ARPC1A: variants seen among roughly 807,000 people sequenced by gnomAD.
ARPC1A encodes the protein actin related protein 2/3 complex subunit 1A, also known as actin-related protein 2/3 complex subunit 1A.
In ARPC1A, 8 loss-of-function variants were observed where a neutral mutation model predicts 46.9. The ratio of observed to expected loss-of-function variants is 0.17; its 90% CI spans 0.10 to 0.31. The LOEUF (loss-of-function observed/expected upper bound fraction) is 0.31, where lower values mean the gene tolerates loss of function less well. ARPC1A is among the 10% of genes least tolerant of loss of function. The probability of loss-of-function intolerance (pLI) is 1.00; values close to 1 mark genes in which losing one functional copy is unlikely to be tolerated. For missense variants in ARPC1A, 286 were observed against 483.6 expected (o/e 0.59, Z 3.83); for synonymous variants, 152 against 169.0 (o/e 0.90, Z 0.78).
chr7:99,338,378 ATTTTTT>A (rs754747240), intron 3 of ARPC1A, 93 bp downstream of exon 3: 70 of 242,998 alleles, frequency 2.9e-4, no homozygotes, highest in East Asian at 7.4e-4. Flanking sequence ...GGTGGCCATA[ATTTTTT>A]TTTTTTTTTT....
intron 4 of ARPC1A, among the ~76,000 whole-genome samples, chr7:99,345,636 C>A (rs976303771): frequency 6.6e-6 from 1 of 150,670 alleles, no homozygotes; most frequent in African/African-American, 2.4e-5. Context: ...CCAGCCTGGG[C>A]GGCAAAGTGA....
chr7:99,362,252 C>T (rs1466071457), intron 8 of ARPC1A, among the ~76,000 whole-genome samples: 2 of 151,510 alleles, frequency 1.3e-5, no homozygotes, highest in Admixed American at 1.3e-4. Flanking sequence ...CGAGATCGCA[C>T]CACTGCACTC....
At chr7:99,354,520 CAAAAAAAA>C (rs149604532) in intron 6 of ARPC1A, among the ~76,000 whole-genome samples, 1 of 55,828 alleles carries the variant, frequency 1.8e-5, no homozygotes, top group Non-Finnish European at 4.2e-5. Context: ...GACTCCGTCT[CAAAAAAAA>C]AAAAAAAAAA....
At chr7:99,349,070 T>G in intron 5 of ARPC1A, 111 bp downstream of exon 5, 2 of 1,107,854 alleles carry the variant, frequency 1.8e-6, no homozygotes, top group Non-Finnish European at 2.6e-6. Context: ...GTTGTTGTTT[T>G]GAGACAGGGT....
chr7:99,352,527 G>A (rs569859640), intron 5 of ARPC1A, among the ~76,000 whole-genome samples: 12 of 151,222 alleles, frequency 7.9e-5, no homozygotes, highest in African/African-American at 2.4e-4. Context: ...GGCATAATAC[G>A]AACTTGTAGT....
intron 6 of ARPC1A, among the ~76,000 whole-genome samples, chr7:99,355,855 G>A (rs899282266): frequency 6.6e-6 from 1 of 152,148 alleles, no homozygotes; most frequent in African/African-American, 2.4e-5. Flanking sequence ...GGAAGTCAGC[G>A]AACGATGACT....
intron 9 of ARPC1A, 48 bp from the exon 10 acceptor site, chr7:99,365,843 G>A (rs1368859413): frequency 6.5e-7 from 1 of 1,537,534 alleles, no homozygotes; most frequent in Non-Finnish European, 8.8e-7. Context: ...ACCTACCTCG[G>A]GGTAGACACT....
At chr7:99,351,518 C>T (rs1248947919) in intron 5 of ARPC1A, among the ~76,000 whole-genome samples, 4 of 152,162 alleles carry the variant, frequency 2.6e-5, no homozygotes, top group African/African-American at 9.7e-5. Flanking sequence ...TGCGCCTGGC[C>T]CAGTCCTGTG....
chr7:99,357,325 T>C (rs1793653110), intron 6 of ARPC1A, among the ~76,000 whole-genome samples: 1 of 152,118 alleles, frequency 6.6e-6, no homozygotes. Flanking sequence ...ATGCCAACTT[T>C]ATGAAGGGTG....
chr7:99,344,917 G>GTTTTTTTTTT (rs1562799264), intron 4 of ARPC1A, among the ~76,000 whole-genome samples: 7 of 29,586 alleles, frequency 2.4e-4, no homozygotes, highest in African/African-American at 5.7e-4. Context: ...AGATAACAAT[G>GTTTTTTTTTT]TTCTTTTTTT....
intron 4 of ARPC1A, among the ~76,000 whole-genome samples, chr7:99,347,347 A>G (rs1793470967): frequency 6.6e-6 from 1 of 152,174 alleles, no homozygotes; most frequent in African/African-American, 2.4e-5. Flanking sequence ...CTGGGAGTAT[A>G]GTTGCAAGCC....
chr7:99,361,625 T>C (rs1002720653), intron 8 of ARPC1A, among the ~76,000 whole-genome samples: 2 of 152,220 alleles, frequency 1.3e-5, no homozygotes, highest in East Asian at 1.9e-4. Flanking sequence ...CTTACGTTTC[T>C]ATACAGACCA....
At chr7:99,341,966 A>G (rs906587535) in intron 3 of ARPC1A, among the ~76,000 whole-genome samples, 1 of 152,244 alleles carries the variant, frequency 6.6e-6, no homozygotes, top group Non-Finnish European at 1.5e-5. Context: ...TACAAAGAAA[A>G]GAAGTGTGGC....
intron 3 of ARPC1A, among the ~76,000 whole-genome samples, chr7:99,343,539 C>T (rs960221242): frequency 3.3e-5 from 5 of 151,892 alleles, no homozygotes; most frequent in Admixed American, 1.3e-4. Flanking sequence ...GTGAATTTTG[C>T]TCTTGGTATA....
At chr7:99,344,917 G>GT (rs1562799264) in intron 4 of ARPC1A, among the ~76,000 whole-genome samples, 56 of 29,536 alleles carry the variant, frequency 1.9e-3, no homozygotes, top group African/African-American at 2.7e-3. Context: ...AGATAACAAT[G>GT]TTCTTTTTTT....
At chr7:99,340,401 G>A (rs1279423248) in intron 3 of ARPC1A, among the ~76,000 whole-genome samples, 1 of 152,154 alleles carries the variant, frequency 6.6e-6, no homozygotes, top group Non-Finnish European at 1.5e-5. Flanking sequence ...GACATCAAGT[G>A]ATCTGCCTGC....
At chr7:99,334,287 G>A (rs184998454) in intron 2 of ARPC1A, among the ~76,000 whole-genome samples, 21 of 151,922 alleles carry the variant, frequency 1.4e-4, no homozygotes, top group African/African-American at 3.9e-4. Context: ...GCTTGAATCC[G>A]GGAGGCAGAG....
chr7:99,354,690 C>G (rs1483176956), intron 6 of ARPC1A, among the ~76,000 whole-genome samples: 1 of 151,952 alleles, frequency 6.6e-6, no homozygotes, highest in African/African-American at 2.4e-5. Context: ...ACTAAAAACA[C>G]AAAAATTAGC....
At chr7:99,334,071 T>C (rs1350865954) in intron 2 of ARPC1A, among the ~76,000 whole-genome samples, 1 of 150,884 alleles carries the variant, frequency 6.6e-6, no homozygotes, top group African/African-American at 2.4e-5. Context: ...AGTCTCGCTT[T>C]GTCACAAGGC....
Sources: gnomAD v4.1 joint callset for allele counts (sites outside exome capture counted in the v4.1 genomes callset) on GRCh38, gnomAD v4.1.1 for gene constraint, MANE v1.5 for transcripts, NCBI Gene and HGNC (gene_info 2026-07-23, HGNC 2026-07-21) for gene names.